Variants in MAP3K20 observed in about 807,000 individuals in gnomAD.
MAP3K20 encodes HCCS-4.
A neutral mutation model predicts 85.7 loss-of-function variants in MAP3K20; 40 were observed. The ratio of observed to expected loss-of-function variants is 0.47; its 90% confidence interval spans 0.36 to 0.61. MAP3K20 has a LOEUF of 0.61. Among genes scored for constraint, MAP3K20 ranks in the 20% least tolerant of loss-of-function variants. MAP3K20 has a pLI of 0.00. For missense variants in MAP3K20, 817 were observed against 961.7 expected, an observed-to-expected ratio of 0.85 and a Z score of 1.99; for synonymous variants, 325 against 327.7, an observed-to-expected ratio of 0.99 and a Z score of 0.09.
intron 16 of MAP3K20, among the ~76,000 whole-genome samples, chr2:173,251,984 T>C (rs950935300): frequency 6.6e-6 from 1 of 151,140 alleles, no homozygotes; most frequent in African/African-American, 2.4e-5. Context: ...TAGGGAAAAA[T>C]AGAGAGAGAG....
chr2:173,164,969 G>A (rs1689772416), intron 2 of MAP3K20, among the ~76,000 whole-genome samples: 1 of 152,134 alleles, frequency 6.6e-6, no homozygotes. Flanking sequence ...AAAGGAAAGA[G>A]GAAAGGAGAA....
At chr2:173,108,265 C>T (rs971335228) in intron 2 of MAP3K20, among the ~76,000 whole-genome samples, 1 of 151,924 alleles carries the variant, frequency 6.6e-6, no homozygotes, top group Non-Finnish European at 1.5e-5. Flanking sequence ...CCGGAGCAGC[C>T]GGGATTACAG....
At chr2:173,213,785 C>CT (rs1371079456) in intron 10 of MAP3K20, among the ~76,000 whole-genome samples, 1 of 152,156 alleles carries the variant, frequency 6.6e-6, no homozygotes, top group Admixed American at 6.6e-5. Context: ...GACTGAATTC[C>CT]TTTTTAGCTA....
At chr2:173,163,499 T>C (rs1467222390) in intron 2 of MAP3K20, among the ~76,000 whole-genome samples, 1 of 152,244 alleles carries the variant, frequency 6.6e-6, no homozygotes, top group African/African-American at 2.4e-5. Context: ...GCTCCATCCA[T>C]GTTACTGCAA....
Position 173,261,147 on chromosome 2 carries a change from G to C in MAP3K20, c.1551+10G>C, listed in dbSNP as rs1401453781. ...CACTGTCACATATGAGGTAAGCTCT[G>C]GGGGCAAGAGGCTGGTGGCCTCACC... is the stretch of plus-strand genomic sequence containing the variant. On this transcript the variant is annotated intron_variant, in intron 18 of 19. Coordinates refer to ENST00000375213, the MANE Select transcript of MAP3K20 (RefSeq NM_016653.3). 9 of 1,612,930 alleles carry C rather than the reference G, an allele frequency of 5.6e-6. No individual in the cohort carries two copies. The highest frequency in any genetic ancestry group is 6.8e-6 in the Non-Finnish European group (8 of 1,179,320).
At chr2:173,170,345 T>C (rs2106250879) in intron 3 of MAP3K20, among the ~76,000 whole-genome samples, 1 of 152,340 alleles carries the variant, frequency 6.6e-6, no homozygotes, top group Middle Eastern at 3.4e-3. Flanking sequence ...TCAGGTTTGG[T>C]CAACTAAGTT....
intron 11 of MAP3K20, chr2:173,226,317 A>T: frequency 1.0e-6 from 1 of 984,772 alleles, no homozygotes; most frequent in Middle Eastern, 5.2e-4. Flanking sequence ...ACTTATTCTG[A>T]GTTAAATATT....
At chr2:173,134,137 T>C (rs1458014693) in intron 2 of MAP3K20, among the ~76,000 whole-genome samples, 3 of 150,772 alleles carry the variant, frequency 2.0e-5, no homozygotes, top group Non-Finnish European at 4.4e-5. Context: ...ATATTTTAAA[T>C]ACCTCTGGTG....
At position 173,078,930 on chromosome 2, in the gene MAP3K20, CTACTTTCA is replaced by C. The variant is rs1257138160; in HGVS notation, c.-35+2932_-35+2939del. Among the ~76,000 whole-genome samples the C allele has an allele frequency of 6.6e-5, 10 of 152,254 alleles. No individual in the cohort carries two copies. The East Asian group carries it at 1.9e-3, about 29-fold the overall frequency. ...TCACCTGTAAGGTAGTTGGCTTGAG[CTACTTTCA>C]TACCCCTGATCCTCAGTTTTCTCAC... is the stretch of plus-strand genomic sequence containing the variant. On this transcript the variant is annotated intron_variant, in intron 1 of 19. Transcript: ENST00000375213.
chr2:173,225,164 G>T (rs1328978321), intron 11 of MAP3K20: 1 of 983,840 alleles, frequency 1.0e-6, no homozygotes, highest in Non-Finnish European at 1.2e-6. Flanking sequence ...GGGCGGTGCT[G>T]TCACCGAATG....
intron 3 of MAP3K20, among the ~76,000 whole-genome samples, chr2:173,181,017 T>C (rs1173591800): frequency 6.6e-6 from 1 of 151,822 alleles, no homozygotes; most frequent in Admixed American, 6.6e-5. Context: ...TATCTAGAAC[T>C]AAAAAAAATT....
At chr2:173,261,279 T>C (rs1427831979) in intron 18 of MAP3K20, 142 bp downstream of exon 18, 12 of 761,542 alleles carry the variant, frequency 1.6e-5, no homozygotes, top group South Asian at 1.5e-4. Flanking sequence ...AACATGAACA[T>C]AGGAAGATCA....
At chr2:173,111,369 G>A (rs1442542484) in intron 2 of MAP3K20, among the ~76,000 whole-genome samples, 2 of 152,054 alleles carry the variant, frequency 1.3e-5, no homozygotes, top group African/African-American at 4.8e-5. Context: ...CCCACTCTGG[G>A]GGTTGTCTGT....
chr2:173,079,925 A>G (rs1394912230), intron 1 of MAP3K20, among the ~76,000 whole-genome samples: 1 of 152,056 alleles, frequency 6.6e-6, no homozygotes, highest in African/African-American at 2.4e-5. Context: ...AGTATGCTCT[A>G]AAATGAGGAT....
At chr2:173,179,751 A>C (rs1559265830) in intron 3 of MAP3K20, among the ~76,000 whole-genome samples, 1 of 151,202 alleles carries the variant, frequency 6.6e-6, no homozygotes, top group African/African-American at 2.4e-5. Context: ...AAAGCTACTA[A>C]AACTAACAAA....
intron 9 of MAP3K20, among the ~76,000 whole-genome samples, chr2:173,206,654 TG>T (rs1383894403): frequency 1.3e-5 from 2 of 152,218 alleles, no homozygotes; most frequent in African/African-American, 4.8e-5. Flanking sequence ...AACCACAGTC[TG>T]GGCCTTACCT....
At chr2:173,260,606 C>G (rs1685269497) in intron 17 of MAP3K20, among the ~76,000 whole-genome samples, 1 of 152,190 alleles carries the variant, frequency 6.6e-6, no homozygotes, top group South Asian at 2.1e-4. Flanking sequence ...GTATGTGCAG[C>G]TTTGCTGGAT....
At chr2:173,153,668 A>G (rs903902947) in intron 2 of MAP3K20, among the ~76,000 whole-genome samples, 4 of 152,216 alleles carry the variant, frequency 2.6e-5, no homozygotes, top group African/African-American at 9.6e-5. Flanking sequence ...AAACCTAAGA[A>G]TTAGTCATTT....
intron 2 of MAP3K20, among the ~76,000 whole-genome samples, chr2:173,104,475 C>T (rs1393472321): frequency 6.6e-6 from 1 of 151,966 alleles, no homozygotes. Context: ...TGAATATACA[C>T]AGTGTGGTAT....
Sources: gnomAD v4.1 joint callset for allele counts (sites outside exome capture counted in the v4.1 genomes callset) on GRCh38, gnomAD v4.1.1 for gene constraint, MANE v1.5 for transcripts, NCBI Gene and HGNC (gene_info 2026-07-23, HGNC 2026-07-21) for gene names.